The following CACNG3 variants were observed in gnomAD, a reference collection of about 807,000 sequenced individuals.
The protein encoded by CACNG3 is voltage-dependent calcium channel gamma-3 subunit.
CACNG3 carries 3 observed loss-of-function variants against 28.5 expected under a neutral mutation model. The ratio of observed to expected loss-of-function variants is 0.11; its 90% CI spans 0.05 to 0.27. The LOEUF (loss-of-function observed/expected upper bound fraction) is 0.27, where lower values mean the gene tolerates loss of function less well. Ranked by LOEUF, CACNG3 falls within the 10% of genes least tolerant of loss-of-function variation. The pLI is 1.00. For missense variants in CACNG3, 236 were observed against 414.4 expected (o/e 0.57, Z 3.74); for synonymous variants, 174 against 162.2 (o/e 1.07, Z -0.55).
intron 1 of CACNG3, among the ~76,000 whole-genome samples, chr16:24,296,612 C>T (rs1479773478): frequency 3.3e-5 from 5 of 152,192 alleles, no homozygotes; most frequent in Non-Finnish European, 7.3e-5. Flanking sequence ...TCTTCCCCCT[C>T]TTCTCTTAAG....
intron 1 of CACNG3, among the ~76,000 whole-genome samples, chr16:24,266,871 G>T (rs1267513092): frequency 1.3e-5 from 2 of 152,156 alleles, no homozygotes; most frequent in African/African-American, 4.8e-5. Context: ...TATGGATCCT[G>T]GGAGCTGTTT....
intron 1 of CACNG3, among the ~76,000 whole-genome samples, chr16:24,264,210 A>G (rs1181774482): frequency 6.6e-6 from 1 of 152,232 alleles, no homozygotes; most frequent in Non-Finnish European, 1.5e-5. Context: ...GTTGCCCTAT[A>G]CGAGGCTGCC....
intron 1 of CACNG3, among the ~76,000 whole-genome samples, chr16:24,265,564 T>G (rs903396752): frequency 1.3e-5 from 2 of 152,106 alleles, no homozygotes; most frequent in Admixed American, 1.3e-4. Flanking sequence ...ATATATATTA[T>G]GATGTGTAGC....
intron 1 of CACNG3, among the ~76,000 whole-genome samples, chr16:24,302,253 A>G (rs945801178): frequency 2.6e-5 from 4 of 152,300 alleles, no homozygotes; most frequent in Middle Eastern, 3.4e-3. Flanking sequence ...CCTTCTGCTT[A>G]ATATTCTCCA....
At position 24,353,880 on chromosome 16, in the gene CACNG3, T is replaced by C. The variant is rs866749466; in HGVS notation, c.296-953T>C. ...AGGGCTGGCTGCGTCATTTGCAGGG[T>C]CCAGTGTGAAATGAAAATCCTGGGC... On this transcript the variant is annotated intron_variant, in intron 2 of 3. Coordinates refer to ENST00000005284, the MANE Select transcript of CACNG3 (RefSeq NM_006539.4). Among the ~76,000 whole-genome samples, 20 of 152,150 alleles carry C rather than the reference T, an allele frequency of 1.3e-4. No homozygotes were observed. In the Middle Eastern group the frequency reaches 0.01, roughly 78 times the overall value.
At chr16:24,331,295 G>A (rs1899628456) in intron 1 of CACNG3, among the ~76,000 whole-genome samples, 2 of 152,312 alleles carry the variant, frequency 1.3e-5, no homozygotes, top group South Asian at 4.2e-4. Context: ...CAAGCAAAGA[G>A]CTCAAAACCA....
At chr16:24,279,386 TGG>T (rs969840864) in intron 1 of CACNG3, among the ~76,000 whole-genome samples, 2 of 152,130 alleles carry the variant, frequency 1.3e-5, no homozygotes, top group African/African-American at 4.8e-5. Context: ...CTTGACTTCC[TGG>T]GCTTAGGTGA....
At chr16:24,278,294 A>G (rs1298891845) in intron 1 of CACNG3, among the ~76,000 whole-genome samples, 1 of 152,194 alleles carries the variant, frequency 6.6e-6, no homozygotes, top group African/African-American at 2.4e-5. Context: ...TTGGGGGAAC[A>G]TCCATGCATA....
At chr16:24,305,030 G>A (rs1899166342) in intron 1 of CACNG3, among the ~76,000 whole-genome samples, 1 of 152,178 alleles carries the variant, frequency 6.6e-6, no homozygotes, top group African/African-American at 2.4e-5. Flanking sequence ...AGAATCCAGA[G>A]AGTGTGGCTG....
intron 1 of CACNG3, among the ~76,000 whole-genome samples, chr16:24,328,429 C>T (rs887846274): frequency 3.3e-5 from 5 of 149,332 alleles, no homozygotes; most frequent in East Asian, 2.0e-4. Context: ...GGACTTTTGT[C>T]ACCATCCAAC....
At chr16:24,334,589 C>T (rs868078315) in intron 1 of CACNG3, among the ~76,000 whole-genome samples, 29 of 152,322 alleles carry the variant, frequency 1.9e-4, no homozygotes, top group Middle Eastern at 6.8e-3. Context: ...TCTCCACTCC[C>T]CATTTAGGAT....
Position 24,361,990 on chromosome 16 carries a change from C to A in CACNG3, c.*127C>A. The A allele has an allele frequency of 2.1e-6, 2 of 932,454 alleles. No individual in the cohort carries two copies. Among genetic ancestry groups the A allele is most frequent in the Non-Finnish European group, 3.1e-6 (2 of 641,964 alleles). The allele number at this position is 932,454 out of a possible 1,614,324, so 57.8% of individuals were successfully genotyped here. On this transcript the variant is annotated 3_prime_UTR_variant, in exon 4 of 4. Transcript: ENST00000005284. This position sits in a 1 kb window ranked among gnomAD's most constrained non-coding sequence, Gnocchi z 6.8. ...TTTACAAAGAATGAAACCAAATGGA[C>A]TCAGCCCTCTCCCACATTTTCCCCT...
intron 1 of CACNG3, among the ~76,000 whole-genome samples, chr16:24,307,936 G>GT (rs1160846542): frequency 6.6e-6 from 1 of 152,120 alleles, no homozygotes; most frequent in Non-Finnish European, 1.5e-5. Flanking sequence ...GGTGGTCATT[G>GT]TCCCTCCAGC....
intron 1 of CACNG3, among the ~76,000 whole-genome samples, chr16:24,288,111 C>T (rs74013173): frequency 0.014 from 2,110 of 152,164 alleles, 52 homozygotes; most frequent in African/African-American, 0.048. Flanking sequence ...GTAATTATTC[C>T]CATTGTATAG....
chr16:24,361,994 G>A lies in CACNG3; in HGVS notation c.*131G>A, dbSNP rs928985762. The A allele has an allele frequency of 2.5e-5, 23 of 909,552 alleles. No homozygotes were observed. Among genetic ancestry groups the A allele is most frequent in the Non-Finnish European group, 3.5e-5 (22 of 623,048 alleles). The allele number at this position is 909,552 out of a possible 1,614,324, so 56.3% of individuals were successfully genotyped here. A position where few individuals can be genotyped will look rare whatever the true frequency, so the allele number is the denominator to read the frequency against. On this transcript the variant is annotated 3_prime_UTR_variant, in exon 4 of 4. Transcript: ENST00000005284. This position sits in a 1 kb window ranked among gnomAD's most constrained non-coding sequence, Gnocchi z 6.8. ...CAAAGAATGAAACCAAATGGACTCA[G>A]CCCTCTCCCACATTTTCCCCTCACC...
chr16:24,317,608 AAG>A (rs1567217440), intron 1 of CACNG3, among the ~76,000 whole-genome samples: 7 of 73,474 alleles, frequency 9.5e-5, no homozygotes, highest in East Asian at 3.5e-4. Flanking sequence ...GAAAGAAAGA[AAG>A]AAAGAAAGAA....
chr16:24,330,568 C>A (rs1899618300), intron 1 of CACNG3, among the ~76,000 whole-genome samples: 1 of 152,226 alleles, frequency 6.6e-6, no homozygotes, highest in Non-Finnish European at 1.5e-5. Flanking sequence ...CACAGGTTCT[C>A]AAAGCCTCTA....
chr16:24,259,860 G>A (rs926395903), intron 1 of CACNG3, among the ~76,000 whole-genome samples: 1 of 152,134 alleles, frequency 6.6e-6, no homozygotes, highest in African/African-American at 2.4e-5. Flanking sequence ...CAACTTTGCT[G>A]GTCATCAGAT....
intron 1 of CACNG3, among the ~76,000 whole-genome samples, chr16:24,323,466 A>G (rs1037501022): frequency 6.6e-6 from 1 of 152,206 alleles, no homozygotes; most frequent in African/African-American, 2.4e-5. Flanking sequence ...TTTTGAGGAT[A>G]GCAGCATTAC....
Sources: gnomAD v4.1 joint callset for allele counts (sites outside exome capture counted in the v4.1 genomes callset) on GRCh38, gnomAD v4.1.1 for gene constraint, Gnocchi (gnomAD v3.1) non-coding constraint, MANE v1.5 for transcripts, NCBI Gene and HGNC (gene_info 2026-07-23, HGNC 2026-07-21) for gene names.